The following KCTD5 variants were observed in gnomAD, a reference collection of about 807,000 sequenced individuals.
KCTD5 encodes the protein BTB/POZ domain-containing protein KCTD5.
Under a neutral mutation model 27.9 loss-of-function variants are expected in KCTD5, and 12 were observed. That is an observed-to-expected ratio of 0.43 (90% CI 0.28 to 0.70). KCTD5 has a LOEUF of 0.70. KCTD5 is among the 30% of genes least tolerant of loss of function. The pLI is 0.19. For synonymous variants in KCTD5, 147 were observed against 121.4 expected (o/e 1.21, Z -1.39); for missense variants, 226 against 274.8 (o/e 0.82, Z 1.26).
intron 1 of KCTD5, chr16:2,683,184 G>T (rs999518751): frequency 8.8e-5 from 15 of 170,434 alleles, no homozygotes; most frequent in Non-Finnish European, 1.0e-4. Context: ...CTGTCCCAGG[G>T]TACTTGCTGG....
intron 1 of KCTD5, chr16:2,683,848 T>C (rs1411604049): frequency 1.4e-5 from 2 of 145,412 alleles, no homozygotes; most frequent in South Asian, 4.3e-4. Context: ...TCTTCAAGTT[T>C]GAGAAGCCTG....
chr16:2,707,396 G>A lies in KCTD5; in HGVS notation c.*69G>A. On this transcript the variant is annotated 3_prime_UTR_variant, in exon 6 of 6. Transcript: ENST00000301738. ...GAGATGTAATGAACTGCCATGTCCA[G>A]GAAGCTTGGCTGTGAGAAGAAACCT... The A allele has an allele frequency of 6.7e-7, 1 of 1,498,286 alleles. No individual in the cohort carries two copies. The highest frequency in any genetic ancestry group is 9.3e-7 in the Non-Finnish European group (1 of 1,074,336). 92.8% of individuals were successfully genotyped at this position (1,498,286 alleles called of 1,614,324 possible).
intron 1 of KCTD5, 150 bp downstream of exon 1, chr16:2,682,950 C>T (rs2067525068): frequency 3.1e-6 from 3 of 977,276 alleles, no homozygotes; most frequent in Non-Finnish European, 2.8e-6. Flanking sequence ...CCAGCTCCTC[C>T]CCAGCTTGCC....
intron 4 of KCTD5, 33 bp from the exon 5 acceptor site, chr16:2,702,320 C>A: frequency 6.2e-7 from 1 of 1,612,544 alleles, no homozygotes; most frequent in East Asian, 2.2e-5. Flanking sequence ...TCAGGCTTCA[C>A]TGGGCTGCGT....
chr16:2,701,827 C>A (rs1295621753), intron 4 of KCTD5, among the ~76,000 whole-genome samples: 1 of 152,212 alleles, frequency 6.6e-6, no homozygotes, highest in Non-Finnish European at 1.5e-5. Context: ...TGGCCCTGGA[C>A]CTGCATTGGC....
rs530868071 is a variant in KCTD5, at chr16:2,688,717, C to T, written c.252+5917C>T. 6.0e-3 allele frequency among the ~76,000 whole-genome samples: 607 copies of T among 101,996 alleles called. 6 individuals carry two copies. Among genetic ancestry groups the T allele is most frequent in the African/African-American group, 0.023 (576 of 24,852 alleles). The allele number at this position is 101,996 out of a possible 152,430, so 66.9% of individuals were successfully genotyped here. On this transcript the variant is annotated intron_variant, in intron 1 of 5. Transcript: ENST00000301738. The stretch of plus-strand genomic sequence containing the variant: ...GCTCGCCCTGCCAGTCCCCCTGCTG[C>T]CACCCAGAGCTCTGGCTGACCCTAG...
chr16:2,704,302 G>GGCTGC (rs1451423137), intron 5 of KCTD5, among the ~76,000 whole-genome samples: 4 of 152,234 alleles, frequency 2.6e-5, no homozygotes, highest in Non-Finnish European at 5.9e-5. Flanking sequence ...CCCCTGGCTG[G>GGCTGC]GCTGCGCAGG....
chr16:2,687,684 C>G (rs1353392105), intron 1 of KCTD5, among the ~76,000 whole-genome samples: 1 of 152,224 alleles, frequency 6.6e-6, no homozygotes, highest in Non-Finnish European at 1.5e-5. Context: ...TCGTTAACCA[C>G]CAGGCATCCC....
At chr16:2,689,702 A>G (rs1350844693) in intron 1 of KCTD5, among the ~76,000 whole-genome samples, 1 of 151,002 alleles carries the variant, frequency 6.6e-6, no homozygotes, top group East Asian at 1.9e-4. Flanking sequence ...TTTTTGAGAC[A>G]GAGGCTCACT....
chr16:2,708,461 A>G lies in KCTD5; in HGVS notation c.*1134A>G, dbSNP rs907744385. On this transcript the variant is annotated 3_prime_UTR_variant, in exon 6 of 6. Coordinates refer to ENST00000301738, the MANE Select transcript of KCTD5 (RefSeq NM_018992.4). ...TGTGGGGACCTGTCAGAGTCTGGGG[A>G]CTCGGCGTGCAGGGCGGGCTCCAAG... The G allele has an allele frequency of 2.0e-5, 3 of 152,286 alleles. No individual in the cohort carries two copies. The highest frequency in any genetic ancestry group is 4.8e-5 in the African/African-American group (2 of 41,378). The allele number at this position is 152,286 out of a possible 1,614,324, so 9.4% of individuals were successfully genotyped here. A position where few individuals can be genotyped will look rare whatever the true frequency, so the allele number is the denominator to read the frequency against.
intron 3 of KCTD5, chr16:2,699,212 G>T (rs746599561): frequency 6.6e-6 from 3 of 455,948 alleles, no homozygotes. Flanking sequence ...GGGCCACCCC[G>T]CCCACTGGGG....
chr16:2,698,084 A>G (rs1193921055), intron 3 of KCTD5, 87 bp downstream of exon 3: 38 of 945,506 alleles, frequency 4.0e-5, no homozygotes, highest in Non-Finnish European at 1.7e-6. Context: ...TGCCTCCCAA[A>G]TAAGTCCTGC....
chr16:2,701,394 A>T (rs557845914), intron 4 of KCTD5, among the ~76,000 whole-genome samples: 40 of 152,282 alleles, frequency 2.6e-4, no homozygotes, highest in Admixed American at 7.2e-4. Context: ...GACCGGACCC[A>T]GGGTCCCCAG....
chr16:2,702,868 G>C (rs945925766), intron 5 of KCTD5, among the ~76,000 whole-genome samples: 4 of 152,062 alleles, frequency 2.6e-5, no homozygotes, highest in Non-Finnish European at 4.4e-5. Flanking sequence ...CCATCCCTGA[G>C]TGCAGGGACA....
intron 5 of KCTD5, among the ~76,000 whole-genome samples, chr16:2,704,289 G>T (rs2067625046): frequency 6.6e-6 from 1 of 152,232 alleles, no homozygotes; most frequent in Non-Finnish European, 1.5e-5. Context: ...CGTGATGGGG[G>T]CACCCCTGGC....
In KCTD5 at chr16:2,703,145, G is replaced by A. The variant is rs114714195; in HGVS notation, c.675+667G>A. Among the ~76,000 whole-genome samples, 512 of 152,308 alleles carry A rather than the reference G, an allele frequency of 3.4e-3. 5 individuals are homozygous for A. Among genetic ancestry groups the A allele is most frequent in the African/African-American group, 0.012 (481 of 41,560 alleles). On this transcript the variant is annotated intron_variant, in intron 5 of 5. Transcript: ENST00000301738. ...GGACCCCTGCCTCGTTTGCTTTCAG[G>A]TTGGCCCTGTGGCCCTGCCCACAGG... is the stretch of plus-strand genomic sequence containing the variant.
rs1399787653 is a variant in KCTD5 at position 2,697,971 on chromosome 16, A to G, written c.427A>G (p.Arg143Gly). Reference sequence around the variant, plus strand: ...AATAAAACTTGTAAAGGACAAAATTAGAGAACGAGACAGCAAAACATCGCA... The same window carrying G: ...AATAAAACTTGTAAAGGACAAAATTGGAGAACGAGACAGCAAAACATCGCA... ...SLIKLVKDKI[R>G]ERDSKTSQVP... The change falls in exon 3 of 6, where the codon AGA (arginine) becomes GGA (glycine). Residue 143 changes from arginine to glycine, a missense_variant. Arg to Gly is a moderately radical substitution (Grantham distance 125). Transcript: ENST00000301738. 1 of 1,612,210 alleles carries G rather than the reference A, an allele frequency of 6.2e-7. No homozygotes were observed. The highest frequency in any genetic ancestry group is 8.5e-7 in the Non-Finnish European group (1 of 1,178,382).
intron 4 of KCTD5, among the ~76,000 whole-genome samples, chr16:2,700,837 T>C (rs2067608443): frequency 6.7e-6 from 1 of 150,050 alleles, no homozygotes; most frequent in Admixed American, 6.6e-5. Context: ...TAAAAACATT[T>C]GTGTCCCACC....
chr16:2,682,903 A>C, intron 1 of KCTD5, 103 bp downstream of exon 1: 1 of 1,367,050 alleles, frequency 7.3e-7, no homozygotes, highest in Non-Finnish European at 9.6e-7. Flanking sequence ...GGAGCGGGCG[A>C]CTCTCCTCGG....
Sources: gnomAD v4.1 joint callset for allele counts (sites outside exome capture counted in the v4.1 genomes callset) on GRCh38, gnomAD v4.1.1 for gene constraint, MANE v1.5 for transcripts, NCBI Gene and HGNC (gene_info 2026-07-23, HGNC 2026-07-21) for gene names.